ERCC2: variants seen among roughly 807,000 people sequenced by gnomAD.
ERCC2 encodes general transcription and DNA repair factor IIH helicase subunit XPD.
Under a neutral mutation model 99.4 loss-of-function variants are expected in ERCC2, and 90 were observed. The ratio of observed to expected loss-of-function variants is 0.91; its 90% CI spans 0.76 to 1.08. ERCC2 has a LOEUF of 1.08. Among genes scored for constraint, ERCC2 ranks in the 50% least tolerant of loss-of-function variants. The pLI is 0.00. For synonymous variants in ERCC2, 497 were observed against 432.4 expected (o/e 1.15, Z -1.85); for missense variants, 993 against 1,038.1 (o/e 0.96, Z 0.60).
chr19:45,364,086 G>C lies in ERCC2; in HGVS notation c.849C>G (p.Asp283Glu), dbSNP rs1972331964. The C allele has an allele frequency of 3.7e-6, 6 of 1,601,820 alleles. No homozygotes were observed. Among genetic ancestry groups the C allele is most frequent in the Non-Finnish European group, 4.3e-6 (5 of 1,174,898 alleles). Residue 283 changes from aspartate (D) to glutamate (E), a missense_variant, in exon 10 of 23, where the codon GAC (aspartate) becomes GAG (glutamate). Coordinates refer to ENST00000391945, the MANE Select transcript of ERCC2 (RefSeq NM_000400.4). ...GCCCCTCCACCAGACGCCGGTACTC[G>C]TCCCGCAGGCGCTGCTCGTCTGTCT... ...IKETDEQRLRDEYRRLVEGLR... is the reference protein window; with the variant it reads ...IKETDEQRLREEYRRLVEGLR...
chr19:45,350,214 G>C lies in ERCC2; in HGVS notation c.*1415C>G. 1.5e-6 allele frequency: 1 copy of C among 684,590 alleles called. No homozygotes were observed. The highest frequency in any genetic ancestry group is 2.5e-6 in the Non-Finnish European group (1 of 406,048). The allele number at this position is 684,590 out of a possible 1,614,324, so 42.4% of individuals were successfully genotyped here. On this transcript the variant is annotated 3_prime_UTR_variant, in exon 23 of 23. Transcript: ENST00000391945. ...AGGCAGGAGGATCACTTGAGGCTAG[G>C]AGTTCAAGACCAGCCTGGGCAACAT...
At chr19:45,370,319 G>A in intron 1 of ERCC2, 87 bp from the exon 2 acceptor site, 2 of 1,565,202 alleles carry the variant, frequency 1.3e-6, no homozygotes, top group South Asian at 1.1e-5. Context: ...CCAGAGAAGG[G>A]TGACGGGCCC....
In ERCC2 at chr19:45,350,581, G is replaced by A. The variant is rs749304819; in HGVS notation, c.*1048C>T. Reference sequence around the variant, plus strand: ...GGATGGGCTGTGCTTCGGCTCCTGGGGTGGGCGTGGGGACTGCATGGGCCT... The same window carrying A: ...GGATGGGCTGTGCTTCGGCTCCTGGAGTGGGCGTGGGGACTGCATGGGCCT... On this transcript the variant is annotated 3_prime_UTR_variant, in exon 23 of 23. Transcript: ENST00000391945. 6 of 1,613,892 alleles carry A rather than the reference G, an allele frequency of 3.7e-6. No homozygotes were observed. The highest frequency in any genetic ancestry group is 2.2e-5 in the East Asian group (1 of 44,854).
Position 45,350,802 on chromosome 19 carries a change from A to ACCCCCCCCCCCCC in ERCC2, c.*826_*827insGGGGGGGGGGGGG, listed in dbSNP as rs1340007584. 1 of 798,432 alleles carries ACCCCCCCCCCCCC rather than the reference A, an allele frequency of 1.3e-6. No individual in the cohort carries two copies. Among genetic ancestry groups the ACCCCCCCCCCCCC allele is most frequent in the African/African-American group, 2.0e-5 (1 of 50,212 alleles). 49.5% of individuals were successfully genotyped at this position (798,432 alleles called of 1,614,324 possible). A position where few individuals can be genotyped will look rare whatever the true frequency, so the allele number is the denominator to read the frequency against. Reference sequence around the variant, plus strand: ...CTGACATCAGCAGAATCCACAGCCCACCCCACCCCCACCCCCATCTTGCTC... The same window carrying ACCCCCCCCCCCCC: ...CTGACATCAGCAGAATCCACAGCCCACCCCCCCCCCCCCCCCCACCCCCACCCCCATCTTGCTC... On this transcript the variant is annotated 3_prime_UTR_variant, in exon 23 of 23. Transcript: ENST00000391945.
chr19:45,350,369 A>T lies in ERCC2; in HGVS notation c.*1260T>A. 1 of 1,613,740 alleles carries T rather than the reference A, an allele frequency of 6.2e-7. No homozygotes were observed. The highest frequency in any genetic ancestry group is 1.1e-5 in the South Asian group (1 of 91,062). On this transcript the variant is annotated 3_prime_UTR_variant, in exon 23 of 23. Transcript: ENST00000391945. The stretch of plus-strand genomic sequence containing the variant: ...TCAGCCTACCTGAAACAGAACAAGT[A>T]TCAACAAGCGGAAGAGCTGTACAAA...
rs370444753 is a variant in ERCC2, at chr19:45,350,249, CCT to C, written c.*1378_*1379del. 8 of 919,576 alleles carry C rather than the reference CCT, an allele frequency of 8.7e-6. No homozygotes were observed. Among genetic ancestry groups the C allele is most frequent in the Middle Eastern group, 2.8e-4 (1 of 3,562 alleles). 57.0% of individuals were successfully genotyped at this position (919,576 alleles called of 1,614,324 possible). On this transcript the variant is annotated 3_prime_UTR_variant, in exon 23 of 23. Transcript: ENST00000391945. ...CCAGCCTGGGCAACATACCAAGACC[CCT>C]GTCTCTACAAAAAAAAAAAAAAAGG...
chr19:45,357,670 C>T lies in ERCC2; in HGVS notation c.1267G>A (p.Asp423Asn), dbSNP rs143710107. The T allele has an allele frequency of 2.5e-4, 408 of 1,613,926 alleles. No homozygotes were observed. Among genetic ancestry groups the T allele is most frequent in the Non-Finnish European group, 2.4e-4 (282 of 1,179,992 alleles). Reference protein sequence around the residue: ...GFTIIIEPFDDRTPTIANPIL... With the variant: ...GFTIIIEPFDNRTPTIANPIL... ...GGGTTGGCAATGGTCGGGGTTCTGT[C>T]GTCAAAGGGCTCGATGATGATGGTG... The change falls in exon 13 of 23, where the codon GAC becomes AAC. Residue 423 changes from aspartate (D) to asparagine (N), a missense_variant. Asp to Asn is a conservative substitution (Grantham distance 23, BLOSUM62 1). Around this residue, in one of 3 missense-constraint regions of ERCC2, gnomAD observed 909 missense variants for 930.8 expected, o/e 0.98. Coordinates refer to ENST00000391945, the MANE Select transcript of ERCC2 (RefSeq NM_000400.4).
At chr19:45,362,084 C>G (rs1336501089) in intron 11 of ERCC2, among the ~76,000 whole-genome samples, 1 of 152,136 alleles carries the variant, frequency 6.6e-6, no homozygotes, top group Non-Finnish European at 1.5e-5. Flanking sequence ...TGCCACCACA[C>G]TCAGCTAATT....
In ERCC2 at chr19:45,364,607, C is replaced by G. The variant is rs1159197704; in HGVS notation, c.595-60G>C. ...GCCACCCCAACCCCTACCCCTACCC[C>G]TGGCCACACTGGCCCGTCACTCCCA... On this transcript the variant is annotated intron_variant, in intron 7 of 22. Coordinates refer to ENST00000391945, the MANE Select transcript of ERCC2 (RefSeq NM_000400.4). 9 of 1,600,918 alleles carry G rather than the reference C, an allele frequency of 5.6e-6. No homozygotes were observed. The East Asian group carries it at 2.0e-4, about 36-fold the overall frequency.
intron 12 of ERCC2, chr19:45,358,715 C>T (rs1411577604): frequency 1.6e-5 from 11 of 695,658 alleles, no homozygotes; most frequent in South Asian, 3.0e-5. Flanking sequence ...GAGGCCCTCC[C>T]CAGCCACCTT....
rs1400605920 is a variant in ERCC2, at chr19:45,350,955, A to G, written c.*674T>C. On this transcript the variant is annotated 3_prime_UTR_variant, in exon 23 of 23. Coordinates refer to ENST00000391945, the MANE Select transcript of ERCC2 (RefSeq NM_000400.4). ...TCCTCCCTGCTGCCCTCTTTGCAGA[A>G]TGAAGAGAGCCATGTCACTCAACAC... The G allele has an allele frequency of 6.2e-7, 1 of 1,613,934 alleles. No individual in the cohort carries two copies. The highest frequency in any genetic ancestry group is 8.5e-7 in the Non-Finnish European group (1 of 1,179,960).
intron 1 of ERCC2, 57 bp downstream of exon 1, chr19:45,370,479 C>G: frequency 2.6e-6 from 4 of 1,552,172 alleles, no homozygotes; most frequent in Non-Finnish European, 3.5e-6. Flanking sequence ...ACCGATGACC[C>G]CATCTTCAAG....
chr19:45,369,049 C>G (rs368504616), intron 3 of ERCC2, 21 bp downstream of exon 3: 2 of 1,613,972 alleles, frequency 1.2e-6, no homozygotes, highest in East Asian at 2.2e-5. Context: ...TCTGCCTTTA[C>G]GGGTTCAGCG....
rs1568542307 is a variant in ERCC2 at position 45,364,282 on chromosome 19, A to T, written c.768T>A (p.Leu256=). The change falls in exon 9 of 23, where the codon CTT becomes CTA. Residue 256 remains leucine, a synonymous_variant. Coordinates refer to ENST00000391945, the MANE Select transcript of ERCC2 (RefSeq NM_000400.4). ...SMSVNLTRRT[L]DRCQGNLETL... Reference sequence around the variant, plus strand: ...TCTCCAGGTTGCCCTGGCACCGGTCAAGGGTCCGGCGGGTGAGGTTGACGC... The same window carrying T: ...TCTCCAGGTTGCCCTGGCACCGGTCTAGGGTCCGGCGGGTGAGGTTGACGC... 6.2e-7 allele frequency: 1 copy of T among 1,614,006 alleles called. No homozygotes were observed. Among genetic ancestry groups the T allele is most frequent in the African/African-American group, 1.3e-5 (1 of 75,046 alleles).
rs200355865 is a variant in ERCC2 at position 45,351,462 on chromosome 19, G to A, written c.*167C>T. The stretch of plus-strand genomic sequence containing the variant: ...CATCTCCTGGCCCCCCCTTGCCTCT[G>A]GGTACCTGGTGGATAGCTGCCTTCT... On this transcript the variant is annotated 3_prime_UTR_variant, in exon 23 of 23. Transcript: ENST00000391945. 4.5e-5 allele frequency: 71 copies of A among 1,583,228 alleles called. No homozygotes were observed. The East Asian group carries it at 1.3e-3, about 29-fold the overall frequency.
Position 45,352,758 on chromosome 19 carries a change from G to A in ERCC2, c.1890C>T (p.Ser630=). ...CAGAGCTACTCACCTTGAGAATGCG[G>A]CTCTGTGTGTAGACGTAGGGGACGC... ...MFGVPYVYTQ[S]RILKARLEYL... The change falls in exon 20 of 23, where the codon AGC becomes AGT. Residue 630 remains serine (S), a synonymous_variant. Transcript: ENST00000391945. The A allele has an allele frequency of 6.2e-7, 1 of 1,613,990 alleles. No individual in the cohort carries two copies. Among genetic ancestry groups the A allele is most frequent in the Admixed American group, 1.7e-5 (1 of 60,024 alleles).
In ERCC2 at chr19:45,350,733, G is replaced by C; in HGVS notation, c.*896C>G. The C allele has an allele frequency of 6.2e-7, 1 of 1,611,964 alleles. No individual in the cohort carries two copies. Among genetic ancestry groups the C allele is most frequent in the Non-Finnish European group, 8.5e-7 (1 of 1,179,310 alleles). On this transcript the variant is annotated 3_prime_UTR_variant, in exon 23 of 23. Coordinates refer to ENST00000391945, the MANE Select transcript of ERCC2 (RefSeq NM_000400.4). ...TCTCCCGGCTCCGAGGCGAGGCGGC[G>C]GCAGGAGCAGCCGGGTGAGTGTTGA...
intron 2 of ERCC2, among the ~76,000 whole-genome samples, chr19:45,369,919 G>A (rs1233059870): frequency 1.3e-5 from 2 of 152,108 alleles, no homozygotes; most frequent in Non-Finnish European, 2.9e-5. Context: ...CAAGTGATCC[G>A]CCCGCCTCGT....
In ERCC2 at chr19:45,350,443, G is replaced by C; in HGVS notation, c.*1186C>G. On this transcript the variant is annotated 3_prime_UTR_variant, in exon 23 of 23. Coordinates refer to ENST00000391945, the MANE Select transcript of ERCC2 (RefSeq NM_000400.4). The stretch of plus-strand genomic sequence containing the variant: ...ACCCGCCCCTCTCGGTGAGCCCCTA[G>C]CCCCTGTCTGTCTTCCCTCCTGGTG... 2 of 1,612,786 alleles carry C rather than the reference G, an allele frequency of 1.2e-6. No homozygotes were observed. The highest frequency in any genetic ancestry group is 1.7e-6 in the Non-Finnish European group (2 of 1,179,382).
Sources: gnomAD v4.1 joint callset for allele counts (sites outside exome capture counted in the v4.1 genomes callset) on GRCh38, gnomAD v4.1.1 for gene constraint, gnomAD v4.1.1 regional missense constraint, MANE v1.5 for transcripts, NCBI Gene and HGNC (gene_info 2026-07-23, HGNC 2026-07-21) for gene names.